The following RHBDF2 variants were observed in gnomAD, a reference collection of about 807,000 sequenced individuals.
The protein encoded by RHBDF2 is inactive rhomboid protein 2.
In RHBDF2, 38 loss-of-function variants were observed where a neutral mutation model predicts 95.2. The observed-to-expected ratio is 0.40, with a 90% confidence interval of 0.31 to 0.52. RHBDF2 has a LOEUF of 0.52. RHBDF2 is among the 20% of genes least tolerant of loss of function. The pLI is 0.56. For missense variants in RHBDF2, 863 were observed against 1,137.7 expected (o/e 0.76, Z 3.47); for synonymous variants, 442 against 462.0 (o/e 0.96, Z 0.55).
At chr17:76,481,994 CA>C (rs1567881947) in intron 2 of RHBDF2, 4 of 108,208 alleles carry the variant, frequency 3.7e-5, no homozygotes, top group African/African-American at 3.5e-5. Flanking sequence ...CACACACACA[CA>C]CACACACAAA....
In RHBDF2 at chr17:76,475,153, C is replaced by T. The variant is rs145798309; in HGVS notation, c.1116-12G>A. 315 of 1,562,746 alleles carry T rather than the reference C, an allele frequency of 2.0e-4. No homozygotes were observed. The African/African-American group carries it at 2.9e-3, about 15-fold the overall frequency. On this transcript the variant is annotated splice_polypyrimidine_tract_variant and intron_variant, in intron 9 of 18. Coordinates refer to ENST00000675367, the MANE Select transcript of RHBDF2 (RefSeq NM_001005498.4). ...AGGTGAAGTAGGGCCTGTGCAGAGA[C>T]ACCTCGGGTCAGCTGAGCCGAGCTC...
Position 76,477,670 on chromosome 17 carries a change from G to T in RHBDF2, c.788C>A (p.Ser263Tyr). The part of the protein sequence containing the change: ...VVDGADTFDS[S>Y]FFSKEEMSSM... ...CCCCATGCTTGCCTTACTAAAAAAG[G>T]AGGAGTCAAACGTGTCTGCCCCATC... Residue 263 changes from serine (S) to tyrosine (Y), a missense_variant, in exon 7 of 19, where the codon TCC becomes TAC. This residue lies in a region of RHBDF2 where 611 missense variants were observed against 725.5 expected (regional missense o/e 0.84). Transcript: ENST00000675367. 1 of 1,613,986 alleles carries T rather than the reference G, an allele frequency of 6.2e-7. No individual in the cohort carries two copies. The highest frequency in any genetic ancestry group is 8.5e-7 in the Non-Finnish European group (1 of 1,179,990).
At chr17:76,484,487 TACCTCACCTCCACCATCTCC>T (rs1486912706) in intron 2 of RHBDF2, among the ~76,000 whole-genome samples, 5 of 151,716 alleles carry the variant, frequency 3.3e-5, no homozygotes, top group East Asian at 1.9e-4. Flanking sequence ...CCTCCATCTC[TACCTCACCTCCACCATCTCC>T]ACCTCACCTC....
At chr17:76,478,715 CT>C in intron 6 of RHBDF2, 90 bp downstream of exon 6, 2 of 1,132,540 alleles carry the variant, frequency 1.8e-6, no homozygotes, top group East Asian at 2.5e-5. Context: ...CCCAGGTGAG[CT>C]TTAGGGGATG....
At position 76,471,546 on chromosome 17, in the gene RHBDF2, G is replaced by A; in HGVS notation, c.*87C>T. Reference sequence around the variant, plus strand: ...CCCTGTCTTGGGTCTCTGGCTCTCTGGCACACAGAGAGCGCTCTGCAGAGG... The same window carrying A: ...CCCTGTCTTGGGTCTCTGGCTCTCTAGCACACAGAGAGCGCTCTGCAGAGG... On this transcript the variant is annotated 3_prime_UTR_variant, in exon 19 of 19. Transcript: ENST00000675367. 7.2e-7 allele frequency: 1 copy of A among 1,394,176 alleles called. No individual in the cohort carries two copies. The highest frequency in any genetic ancestry group is 9.6e-7 in the Non-Finnish European group (1 of 1,046,506). The allele number at this position is 1,394,176 out of a possible 1,614,324, so 86.4% of individuals were successfully genotyped here.
intron 1 of RHBDF2, among the ~76,000 whole-genome samples, chr17:76,500,720 A>T (rs139799274): frequency 6.6e-6 from 1 of 152,132 alleles, no homozygotes; most frequent in Non-Finnish European, 1.5e-5. Context: ...CTCTATCCCA[A>T]TGCCCTGGGG....
chr17:76,492,306 C>G (rs372762909), intron 1 of RHBDF2, among the ~76,000 whole-genome samples: 12 of 152,326 alleles, frequency 7.9e-5, no homozygotes, highest in African/African-American at 2.6e-4. Context: ...GGGCCTCCCC[C>G]ACTGCAGATA....
At chr17:76,472,617 G>A in intron 18 of RHBDF2, 69 bp downstream of exon 18, 1 of 1,599,470 alleles carries the variant, frequency 6.3e-7, no homozygotes, top group Non-Finnish European at 8.6e-7. Context: ...CAGATCCCAG[G>A]TGGGTGGAAT....
chr17:76,492,284 T>C (rs1030462399), intron 1 of RHBDF2, among the ~76,000 whole-genome samples: 2 of 152,130 alleles, frequency 1.3e-5, no homozygotes, highest in African/African-American at 2.4e-5. Context: ...TACCCTCCCC[T>C]GCCCAGGCTC....
intron 1 of RHBDF2, among the ~76,000 whole-genome samples, chr17:76,488,812 G>A (rs1449499359): frequency 6.6e-6 from 1 of 152,144 alleles, no homozygotes; most frequent in Non-Finnish European, 1.5e-5. Flanking sequence ...GCCGGGTGTG[G>A]TGGCGGGCGC....
At chr17:76,484,870 T>C (rs2074077440) in intron 2 of RHBDF2, among the ~76,000 whole-genome samples, 1 of 152,182 alleles carries the variant, frequency 6.6e-6, no homozygotes, top group Non-Finnish European at 1.5e-5. Flanking sequence ...CCAATGGTCT[T>C]GCATTTGCTG....
intron 2 of RHBDF2, chr17:76,487,396 GCAC>G (rs1389776121): frequency 6.6e-6 from 1 of 152,154 alleles, no homozygotes; most frequent in East Asian, 1.9e-4. Context: ...CTACAGGCGC[GCAC>G]CACCACGCCC....
rs1214152804 is a variant in RHBDF2 at position 76,479,763 on chromosome 17, C to T, written c.242G>A (p.Arg81His). The T allele has an allele frequency of 5.0e-6, 8 of 1,611,792 alleles. No individual in the cohort carries two copies. The highest frequency in any genetic ancestry group is 4.5e-5 in the East Asian group (2 of 44,844). Residue 81 changes from arginine to histidine, a missense_variant, in exon 4 of 19, where the codon CGC becomes CAC. By Grantham distance (29) the Arg-to-His change is conservative. This residue lies in a region of RHBDF2 where 611 missense variants were observed against 725.5 expected (regional missense o/e 0.84). Coordinates refer to ENST00000675367, the MANE Select transcript of RHBDF2 (RefSeq NM_001005498.4). Reference sequence around the variant, plus strand: ...GATGCTCTGGGACAGTGAGGCCTGGCGGCGGAAGCCAGGGCGCTTCTCTGA... The same window carrying T: ...GATGCTCTGGGACAGTGAGGCCTGGTGGCGGAAGCCAGGGCGCTTCTCTGA... ...ESSEKRPGFR[R>H]QASLSQSIRK...
rs145040227 is a variant in RHBDF2 at position 76,478,861 on chromosome 17, C to G, written c.617G>C (p.Arg206Pro). The G allele has an allele frequency of 2.0e-4, 318 of 1,613,524 alleles. 1 individual carries two copies. Among genetic ancestry groups the G allele is most frequent in the Non-Finnish European group, 2.6e-4 (302 of 1,179,776 alleles). Residue 206 changes from arginine (R) to proline (P), a missense_variant, in exon 6 of 19, where the codon CGC becomes CCC. Coordinates refer to ENST00000675367, the MANE Select transcript of RHBDF2 (RefSeq NM_001005498.4). ...VRSGYSHLPR[R>P]KRMSVAHMSL... is the part of the protein sequence containing the mutation. ...CATGTGGGCCACAGACATTCTCTTGCGGCGTGGCAGGTGGGAGTAGCCAGA... is the reference window on the plus strand; with the variant it reads ...CATGTGGGCCACAGACATTCTCTTGGGGCGTGGCAGGTGGGAGTAGCCAGA...
chr17:76,486,342 T>A (rs979582055), intron 2 of RHBDF2, among the ~76,000 whole-genome samples: 2 of 152,148 alleles, frequency 1.3e-5, no homozygotes, highest in African/African-American at 4.8e-5. Context: ...ACTCCTTACC[T>A]CAAGTTTGCT....
chr17:76,482,002 C>CACACACACACAA (rs756839912), intron 2 of RHBDF2: 1 of 40,222 alleles, frequency 2.5e-5, no homozygotes, highest in Admixed American at 2.0e-4. Flanking sequence ...CACACACACA[C>CACACACACACAA]AAAACCAAAA....
intron 1 of RHBDF2, among the ~76,000 whole-genome samples, chr17:76,500,443 A>G (rs1314802384): frequency 6.6e-6 from 1 of 152,150 alleles, no homozygotes; most frequent in Non-Finnish European, 1.5e-5. Context: ...AATAAGGCAG[A>G]TGCTGGTCTC....
Position 76,477,280 on chromosome 17 carries a change from G to A in RHBDF2, c.820C>T (p.Pro274Ser). ...GGGGGGGACTCAAAGACATCATCAG[G>A]CATGGAGCTCATTTCTTCCTGGGGT... is the stretch of plus-strand genomic sequence containing the variant. Reference protein sequence around the residue: ...FFSKEEMSSMPDDVFESPPLS... With the variant: ...FFSKEEMSSMSDDVFESPPLS... The change falls in exon 8 of 19, where the codon CCT (proline) becomes TCT (serine). Residue 274 changes from proline to serine, a missense_variant. Pro to Ser is a moderately conservative substitution (Grantham distance 74). Transcript: ENST00000675367. 1 of 1,611,890 alleles carries A rather than the reference G, an allele frequency of 6.2e-7. No homozygotes were observed. The highest frequency in any genetic ancestry group is 8.5e-7 in the Non-Finnish European group (1 of 1,179,376).
At position 76,474,031 on chromosome 17, in the gene RHBDF2, AC is replaced by A; in HGVS notation, c.1574+1del. On this transcript the variant is annotated splice_donor_variant, in intron 13 of 18. Coordinates refer to ENST00000675367, the MANE Select transcript of RHBDF2 (RefSeq NM_001005498.4). LOFTEE classifies it high-confidence loss of function. ...AGGCCCAGCAGAGGCTCCAGGCCCT[AC>A]CTGGGGTCCTGGTGGCAGACAGCCC... 2 of 1,610,410 alleles carry A rather than the reference AC, an allele frequency of 1.2e-6. No individual in the cohort carries two copies. Among genetic ancestry groups the A allele is most frequent in the Non-Finnish European group, 1.7e-6 (2 of 1,177,240 alleles).
Sources: allele counts gnomAD v4.1 joint callset (sites outside exome capture counted in the v4.1 genomes callset), GRCh38; gene constraint gnomAD v4.1.1; regional missense constraint gnomAD v4.1.1; transcripts MANE v1.5; gene names NCBI Gene and HGNC (gene_info 2026-07-23, HGNC 2026-07-21).